The following CACNG2 variants were observed in gnomAD, a reference collection of about 807,000 sequenced individuals.
The protein encoded by CACNG2 is calcium voltage-gated channel auxiliary subunit gamma 2.
In CACNG2, 3 loss-of-function variants were observed where a neutral mutation model predicts 25.9. The ratio of observed to expected loss-of-function variants is 0.12; its 90% CI spans 0.05 to 0.30. The LOEUF is 0.30. Among genes scored for constraint, CACNG2 ranks in the 10% least tolerant of loss-of-function variants. The pLI is 1.00. For synonymous variants in CACNG2, 167 were observed against 173.3 expected (o/e 0.96, Z 0.29); for missense variants, 341 against 432.5 (o/e 0.79, Z 1.88).
chr22:36,686,717 C>A (rs916345142), intron 1 of CACNG2, among the ~76,000 whole-genome samples: 1 of 152,222 alleles, frequency 6.6e-6, no homozygotes, highest in Non-Finnish European at 1.5e-5. Context: ...GGGACCCGGG[C>A]ACAGGGGTTC....
intron 1 of CACNG2, among the ~76,000 whole-genome samples, chr22:36,628,954 A>G (rs1030707477): frequency 2.0e-5 from 3 of 150,866 alleles, no homozygotes; most frequent in African/African-American, 7.4e-5. Context: ...GAGAGGATTC[A>G]GGGAACTAAA....
Position 36,598,866 on chromosome 22 carries a change from C to T in CACNG2, c.212-11318G>A, listed in dbSNP as rs1237256698. ...TGGTGGCACGCGCCTGTAGTCCCAG[C>T]TACTCGGGAGGCTGAGGTGGGAGAT... On this transcript the variant is annotated intron_variant, in intron 1 of 3. Coordinates refer to ENST00000300105, the MANE Select transcript of CACNG2 (RefSeq NM_006078.5). 3.3e-5 allele frequency among the ~76,000 whole-genome samples: 5 copies of T among 152,090 alleles called. No homozygotes were observed. In the East Asian group the frequency reaches 9.6e-4, roughly 29 times the overall value.
In CACNG2 at chr22:36,577,078, C is replaced by T. The variant is rs73413784; in HGVS notation, c.295+10387G>A. Among the ~76,000 whole-genome samples the T allele has an allele frequency of 6.6e-3, 1,006 of 152,190 alleles. 9 individuals are homozygous for T. The highest frequency in any genetic ancestry group is 0.021 in the African/African-American group (871 of 41,516). Reference sequence around the variant, plus strand: ...CCATCTTCCTAGCTGTGACCTGGTCCCCCGGGGGCCTCTGCTGCCCCCTCT... The same window carrying T: ...CCATCTTCCTAGCTGTGACCTGGTCTCCCGGGGGCCTCTGCTGCCCCCTCT... On this transcript the variant is annotated intron_variant, in intron 2 of 3. Coordinates refer to ENST00000300105, the MANE Select transcript of CACNG2 (RefSeq NM_006078.5).
intron 1 of CACNG2, among the ~76,000 whole-genome samples, chr22:36,609,995 G>A (rs962247898): frequency 2.6e-5 from 4 of 150,970 alleles, no homozygotes; most frequent in Admixed American, 6.6e-5. Context: ...CTCCCAGAGC[G>A]TGATCAGGCA....
At chr22:36,627,775 A>ACCAT (rs1354811185) in intron 1 of CACNG2, among the ~76,000 whole-genome samples, 2 of 151,512 alleles carry the variant, frequency 1.3e-5, no homozygotes, top group African/African-American at 4.9e-5. Context: ...GGCGTGCGCC[A>ACCAT]CCATGCCCAG....
chr22:36,656,190 T>C (rs1342886742), intron 1 of CACNG2, among the ~76,000 whole-genome samples: 2 of 152,172 alleles, frequency 1.3e-5, no homozygotes, highest in African/African-American at 4.8e-5. Context: ...AACAATCTAA[T>C]AAATAGACTC....
chr22:36,632,562 G>A (rs1224727344), intron 1 of CACNG2, among the ~76,000 whole-genome samples: 1 of 149,056 alleles, frequency 6.7e-6, no homozygotes, highest in Admixed American at 6.7e-5. Flanking sequence ...ATCCTCTCAT[G>A]ACTCATGATG....
At chr22:36,673,745 A>G (rs1006571569) in intron 1 of CACNG2, among the ~76,000 whole-genome samples, 1 of 152,140 alleles carries the variant, frequency 6.6e-6, no homozygotes, top group African/African-American at 2.4e-5. Flanking sequence ...TCCTGCCTTG[A>G]TATGAGGCCC....
At chr22:36,694,099 G>A (rs1937301611) in intron 1 of CACNG2, among the ~76,000 whole-genome samples, 1 of 152,186 alleles carries the variant, frequency 6.6e-6, no homozygotes. Flanking sequence ...CACGGGGCAG[G>A]CACCAGCTGC....
intron 1 of CACNG2, among the ~76,000 whole-genome samples, chr22:36,608,328 A>G (rs1390581863): frequency 2.0e-5 from 3 of 152,148 alleles, no homozygotes; most frequent in Admixed American, 1.3e-4. Context: ...CTCAGCTGGC[A>G]ATTTACCACA....
At chr22:36,626,945 C>T (rs547594016) in intron 1 of CACNG2, among the ~76,000 whole-genome samples, 3 of 152,224 alleles carry the variant, frequency 2.0e-5, no homozygotes, top group Non-Finnish European at 4.4e-5. Context: ...GCTGGTTATC[C>T]TCATTTTATA....
chr22:36,569,707 T>C (rs1305649537), intron 2 of CACNG2, among the ~76,000 whole-genome samples: 1 of 152,154 alleles, frequency 6.6e-6, no homozygotes, highest in Admixed American at 6.5e-5. Flanking sequence ...GTCCGGCTAA[T>C]TTTTGTATTT....
intron 1 of CACNG2, among the ~76,000 whole-genome samples, chr22:36,615,980 A>G (rs1277440476): frequency 6.6e-6 from 1 of 152,240 alleles, no homozygotes; most frequent in Non-Finnish European, 1.5e-5. Context: ...CACGTGGTAG[A>G]TGGAGTGTTT....
intron 2 of CACNG2, among the ~76,000 whole-genome samples, chr22:36,583,178 T>A (rs113293378): frequency 0.02 from 2,967 of 151,678 alleles, 94 homozygotes; most frequent in African/African-American, 0.068. Context: ...CTCACACCTA[T>A]TCGCAGCACT....
chr22:36,682,210 G>A (rs542206053), intron 1 of CACNG2, among the ~76,000 whole-genome samples: 54 of 152,342 alleles, frequency 3.5e-4, no homozygotes, highest in African/African-American at 1.3e-3. Context: ...CCTTGCAGGA[G>A]TGAAGCCAGT....
chr22:36,685,793 C>T (rs896403420), intron 1 of CACNG2, among the ~76,000 whole-genome samples: 1 of 152,246 alleles, frequency 6.6e-6, no homozygotes, highest in African/African-American at 2.4e-5. Flanking sequence ...TAATTTGTTC[C>T]TCCCTTCCTC....
chr22:36,618,048 C>T (rs1382952468), intron 1 of CACNG2, among the ~76,000 whole-genome samples: 1 of 152,118 alleles, frequency 6.6e-6, no homozygotes, highest in Non-Finnish European at 1.5e-5. Context: ...AGGTGGAGGG[C>T]AGGAGAAGGG....
At chr22:36,675,524 G>A (rs1937008849) in intron 1 of CACNG2, among the ~76,000 whole-genome samples, 1 of 152,220 alleles carries the variant, frequency 6.6e-6, no homozygotes, top group Non-Finnish European at 1.5e-5. Flanking sequence ...AGAACTGGGA[G>A]CACTTCCAAG....
At chr22:36,627,642 AT>A (rs5845278) in intron 1 of CACNG2, among the ~76,000 whole-genome samples, 86,322 of 141,396 alleles carry the variant, frequency 0.61, 28,190 homozygotes, top group East Asian at 0.8. Context: ...AATGACTTTG[AT>A]TTTTTTTTTT....
Sources: gnomAD v4.1 joint callset for allele counts (sites outside exome capture counted in the v4.1 genomes callset) on GRCh38, gnomAD v4.1.1 for gene constraint, MANE v1.5 for transcripts, NCBI Gene and HGNC (gene_info 2026-07-23, HGNC 2026-07-21) for gene names.